Variants in HS6ST3 observed in about 807,000 individuals in gnomAD.
HS6ST3 encodes the protein heparan sulfate 6-O-sulfotransferase 3, also known as heparan-sulfate 6-O-sulfotransferase 3.
Under a neutral mutation model 36.7 loss-of-function variants are expected in HS6ST3, and 12 were observed. That is an observed-to-expected ratio of 0.33 (90% CI 0.21 to 0.53). HS6ST3 has a LOEUF of 0.53. Among genes scored for constraint, HS6ST3 ranks in the 20% least tolerant of loss-of-function variants. HS6ST3 has a pLI of 0.95. For missense variants in HS6ST3, 584 were observed against 640.9 expected (o/e 0.91, Z 0.96); for synonymous variants, 240 against 257.5 (o/e 0.93, Z 0.65).
At chr13:96,688,754 A>AT (rs1405013191) in intron 1 of HS6ST3, among the ~76,000 whole-genome samples, 1 of 152,080 alleles carries the variant, frequency 6.6e-6, no homozygotes, top group Non-Finnish European at 1.5e-5. Context: ...GCCCATCATC[A>AT]TGCAAAGGAC....
chr13:96,729,481 T>C (rs1297308219), intron 1 of HS6ST3, among the ~76,000 whole-genome samples: 2 of 152,108 alleles, frequency 1.3e-5, no homozygotes, highest in Non-Finnish European at 2.9e-5. Context: ...TTTTGAGATG[T>C]AGTCTCATGC....
chr13:96,362,747 G>T (rs1243875020), intron 1 of HS6ST3, among the ~76,000 whole-genome samples: 1 of 152,120 alleles, frequency 6.6e-6, no homozygotes, highest in Non-Finnish European at 1.5e-5. Context: ...CACAAACCAG[G>T]TTTTCAATGG....
chr13:96,094,043 T>C (rs2053778068), intron 1 of HS6ST3, among the ~76,000 whole-genome samples: 1 of 152,112 alleles, frequency 6.6e-6, no homozygotes, highest in Admixed American at 6.5e-5. Flanking sequence ...CCAATTTCAC[T>C]CAGAGATCAA....
chr13:96,122,103 C>T (rs1197661230), intron 1 of HS6ST3, among the ~76,000 whole-genome samples: 3 of 85,206 alleles, frequency 3.5e-5, no homozygotes, highest in South Asian at 4.1e-4. Context: ...CAAAATAACC[C>T]TTTCAGGTAT....
intron 1 of HS6ST3, among the ~76,000 whole-genome samples, chr13:96,737,595 G>A (rs1481580110): frequency 7.9e-6 from 1 of 126,170 alleles, no homozygotes; most frequent in Non-Finnish European, 1.6e-5. Flanking sequence ...ACTGCAGTCC[G>A]CAGTCCGGCC....
chr13:96,789,090 C>T (rs984983607), intron 1 of HS6ST3, among the ~76,000 whole-genome samples: 7 of 151,418 alleles, frequency 4.6e-5, no homozygotes, highest in African/African-American at 1.4e-4. Flanking sequence ...TAATTCTTTT[C>T]TTTCTTCATA....
At chr13:96,103,600 C>T (rs192421072) in intron 1 of HS6ST3, among the ~76,000 whole-genome samples, 4 of 152,110 alleles carry the variant, frequency 2.6e-5, no homozygotes, top group African/African-American at 7.2e-5. Context: ...AAAATGACTA[C>T]GAAGGCACTT....
At chr13:96,493,487 A>T (rs1181646642) in intron 1 of HS6ST3, among the ~76,000 whole-genome samples, 1 of 152,202 alleles carries the variant, frequency 6.6e-6, no homozygotes, top group South Asian at 2.1e-4. Context: ...TTTTACAGCC[A>T]TTCTGTCTGC....
At chr13:96,665,592 A>C (rs1180923932) in intron 1 of HS6ST3, among the ~76,000 whole-genome samples, 2 of 152,020 alleles carry the variant, frequency 1.3e-5, no homozygotes, top group Non-Finnish European at 2.9e-5. Context: ...GTGGGAAAAG[A>C]ATTTCTAGCA....
At chr13:96,501,868 C>T (rs2138913532) in intron 1 of HS6ST3, among the ~76,000 whole-genome samples, 1 of 152,348 alleles carries the variant, frequency 6.6e-6, no homozygotes, top group African/African-American at 2.4e-5. Context: ...ATACATACCA[C>T]AAAACTTTTG....
At chr13:96,284,871 A>C (rs1879680220) in intron 1 of HS6ST3, among the ~76,000 whole-genome samples, 1 of 151,690 alleles carries the variant, frequency 6.6e-6, no homozygotes, top group Non-Finnish European at 1.5e-5. Flanking sequence ...GGCTATGCAT[A>C]TATTAATATC....
rs1486945799 is a variant in HS6ST3 at position 96,091,566 on chromosome 13, C to T, written c.704C>T (p.Thr235Ile). ...KKDCPRNHSH[T>I]RNFYYITMLR... ...GACTGTCCCCGCAACCACAGCCACA[C>T]CAGGTACTGTCGCCCGCTGGGTCTC... The change falls in exon 1 of 2, where the codon ACC (threonine) becomes ATC (isoleucine). Residue 235 changes from threonine (T) to isoleucine (I), a missense_variant. Physicochemically the swap from Thr to Ile is moderately conservative, Grantham distance 89. Around this residue, in one of 3 missense-constraint regions of HS6ST3, gnomAD observed 360 missense variants for 411.3 expected, o/e 0.88. Transcript: ENST00000376705. 5 of 1,571,454 alleles carry T rather than the reference C, an allele frequency of 3.2e-6. No homozygotes were observed. The highest frequency in any genetic ancestry group is 2.6e-6 in the Non-Finnish European group (3 of 1,164,950).
At chr13:96,829,331 TTTTAA>T (rs1229466316) in intron 1 of HS6ST3, among the ~76,000 whole-genome samples, 1 of 152,112 alleles carries the variant, frequency 6.6e-6, no homozygotes, top group African/African-American at 2.4e-5. Context: ...TTTCTTTTTT[TTTTAA>T]TTTTATTTTA....
intron 1 of HS6ST3, among the ~76,000 whole-genome samples, chr13:96,331,318 C>A (rs1443545550): frequency 6.6e-6 from 1 of 151,732 alleles, no homozygotes; most frequent in African/African-American, 2.4e-5. Flanking sequence ...GTTTTATCTA[C>A]TTTTGGTCTT....
chr13:96,832,952 C>T lies in HS6ST3; in HGVS notation c.1170C>T (p.Asn390=), dbSNP rs760173569. The T allele has an allele frequency of 7.4e-6, 12 of 1,613,962 alleles. No individual in the cohort carries two copies. The highest frequency in any genetic ancestry group is 3.3e-5 in the South Asian group (3 of 91,076). ...NITRASNVEI[N]EGARQRIEDL... is the part of the protein sequence containing the mutation. ...CGCGGGCTTCTAACGTGGAGATCAA[C>T]GAGGGTGCCCGCCAACGCATTGAGG... is the stretch of plus-strand genomic sequence containing the variant. The change falls in exon 2 of 2, where the codon AAC becomes AAT. Residue 390 remains asparagine, a synonymous_variant. Coordinates refer to ENST00000376705, the MANE Select transcript of HS6ST3 (RefSeq NM_153456.4).
At chr13:96,377,064 T>TA (rs2055318490) in intron 1 of HS6ST3, among the ~76,000 whole-genome samples, 1 of 147,620 alleles carries the variant, frequency 6.8e-6, no homozygotes, top group Admixed American at 6.8e-5. Flanking sequence ...AATATATATT[T>TA]TATATATATA....
chr13:96,386,632 A>G (rs1475659770), intron 1 of HS6ST3, among the ~76,000 whole-genome samples: 4 of 152,102 alleles, frequency 2.6e-5, no homozygotes, highest in African/African-American at 9.7e-5. Flanking sequence ...TTTGGGAAGC[A>G]GAGGTGGGTG....
intron 1 of HS6ST3, among the ~76,000 whole-genome samples, chr13:96,592,998 T>C (rs2056388110): frequency 6.6e-6 from 1 of 152,018 alleles, no homozygotes; most frequent in Admixed American, 6.6e-5. Context: ...GGAAGTTCTC[T>C]GTTATTATTC....
chr13:96,245,499 C>T (rs1256585213), intron 1 of HS6ST3, among the ~76,000 whole-genome samples: 1 of 152,148 alleles, frequency 6.6e-6, no homozygotes, highest in Non-Finnish European at 1.5e-5. Flanking sequence ...AGCTAATTTC[C>T]AGGGACCTTA....
Sources: gnomAD v4.1 joint callset for allele counts (sites outside exome capture counted in the v4.1 genomes callset) on GRCh38, gnomAD v4.1.1 for gene constraint, gnomAD v4.1.1 regional missense constraint, MANE v1.5 for transcripts, NCBI Gene and HGNC (gene_info 2026-07-23, HGNC 2026-07-21) for gene names.